The following PREX2 variants were observed in gnomAD, a reference collection of about 807,000 sequenced individuals.
PREX2 encodes phosphatidylinositol 3,4,5-trisphosphate-dependent Rac exchanger 2 protein.
PREX2 carries 107 observed loss-of-function variants against 203.2 expected under a neutral mutation model. The ratio of observed to expected loss-of-function variants is 0.53; its 90% CI spans 0.45 to 0.62. PREX2 has a LOEUF of 0.62. PREX2 is among the 20% of genes least tolerant of loss of function. The pLI is 0.00. For synonymous variants in PREX2, 672 were observed against 663.6 expected (o/e 1.01, Z -0.19); for missense variants, 1,777 against 1,955.9 (o/e 0.91, Z 1.72).
chr8:67,995,790 G>T (rs1469714764), intron 1 of PREX2, among the ~76,000 whole-genome samples: 5 of 152,152 alleles, frequency 3.3e-5, no homozygotes, highest in African/African-American at 1.2e-4. Context: ...GGCCATGAAT[G>T]TTCCAACATG....
At chr8:67,980,986 C>A (rs1462007554) in intron 1 of PREX2, among the ~76,000 whole-genome samples, 3 of 152,142 alleles carry the variant, frequency 2.0e-5, no homozygotes, top group African/African-American at 7.2e-5. Context: ...CATTCAACAA[C>A]CTGGTGTAAG....
intron 35 of PREX2, among the ~76,000 whole-genome samples, chr8:68,190,887 A>T (rs145330236): frequency 6.6e-6 from 1 of 152,004 alleles, no homozygotes; most frequent in Non-Finnish European, 1.5e-5. Flanking sequence ...ATTTCTGTTT[A>T]GTATCGAGCC....
intron 37 of PREX2, among the ~76,000 whole-genome samples, chr8:68,213,459 A>G (rs191248203): frequency 6.6e-6 from 1 of 152,336 alleles, no homozygotes; most frequent in African/African-American, 2.4e-5. Context: ...AACTTGTGGT[A>G]TTTGTAGGTA....
chr8:67,998,728 C>T (rs1247141285), intron 1 of PREX2, among the ~76,000 whole-genome samples: 3 of 152,166 alleles, frequency 2.0e-5, no homozygotes, highest in Non-Finnish European at 4.4e-5. Flanking sequence ...TATGACCATG[C>T]CATTGTTCTC....
intron 37 of PREX2, among the ~76,000 whole-genome samples, chr8:68,196,729 C>G (rs529806702): frequency 3.3e-5 from 5 of 151,264 alleles, no homozygotes; most frequent in East Asian, 3.9e-4. Context: ...GCACCTCCCC[C>G]CCCCAACTCT....
At chr8:68,231,278 C>A in intron 39 of PREX2, 55 bp from the exon 40 acceptor site, 2 of 1,312,984 alleles carry the variant, frequency 1.5e-6, no homozygotes, top group Non-Finnish European at 2.1e-6. Context: ...ATAAAGACAC[C>A]TCATGTAATG....
At chr8:68,030,342 T>G (rs951298359) in intron 5 of PREX2, among the ~76,000 whole-genome samples, 155 bp from the exon 6 acceptor site, 2 of 152,224 alleles carry the variant, frequency 1.3e-5, no homozygotes, top group Non-Finnish European at 2.9e-5. Context: ...TACTCATTGA[T>G]TCAAACTTTT....
intron 34 of PREX2, 56 bp downstream of exon 34, chr8:68,146,408 T>A: frequency 7.3e-7 from 1 of 1,366,912 alleles, no homozygotes; most frequent in Non-Finnish European, 1.0e-6. Context: ...TCTTTATTAA[T>A]GCTTTTATAA....
At chr8:67,984,672 C>T (rs1218369509) in intron 1 of PREX2, among the ~76,000 whole-genome samples, 1 of 152,210 alleles carries the variant, frequency 6.6e-6, no homozygotes, top group Non-Finnish European at 1.5e-5. Context: ...TGGAAGACTG[C>T]AGGTCTGCCG....
intron 34 of PREX2, among the ~76,000 whole-genome samples, chr8:68,149,915 C>A (rs1026044335): frequency 6.6e-6 from 1 of 152,210 alleles, no homozygotes; most frequent in Non-Finnish European, 1.5e-5. Context: ...ATTCATCTTA[C>A]AAATGTTCAG....
chr8:68,020,024 C>T (rs974913680), intron 3 of PREX2, among the ~76,000 whole-genome samples: 2 of 152,098 alleles, frequency 1.3e-5, no homozygotes, highest in African/African-American at 4.8e-5. Context: ...ATCCTCATTC[C>T]TATAATGGCA....
intron 26 of PREX2, among the ~76,000 whole-genome samples, chr8:68,118,332 G>A (rs765751423): frequency 2.7e-5 from 4 of 149,058 alleles, no homozygotes; most frequent in Non-Finnish European, 5.9e-5. Context: ...TCCAGTCTGG[G>A]AGACAGAGCG....
intron 33 of PREX2, among the ~76,000 whole-genome samples, chr8:68,143,319 G>A (rs1811262770): frequency 6.6e-6 from 1 of 152,026 alleles, no homozygotes; most frequent in South Asian, 2.1e-4. Flanking sequence ...TTGTTTAAAA[G>A]TGTGTAGCAT....
At chr8:67,999,143 A>G (rs1396367271) in intron 1 of PREX2, among the ~76,000 whole-genome samples, 3 of 152,144 alleles carry the variant, frequency 2.0e-5, no homozygotes, top group Admixed American at 1.3e-4. Flanking sequence ...ACTGAAGGAG[A>G]TTGAGATACA....
intron 20 of PREX2, among the ~76,000 whole-genome samples, chr8:68,091,998 G>T (rs567111997): frequency 2.6e-5 from 4 of 152,260 alleles, no homozygotes; most frequent in Non-Finnish European, 5.9e-5. Flanking sequence ...CGGCCGTGGG[G>T]TGGTTCCTAT....
chr8:68,127,390 G>T lies in PREX2; in HGVS notation c.3737G>T (p.Arg1246Met). The T allele has an allele frequency of 6.2e-7, 1 of 1,606,730 alleles. No individual in the cohort carries two copies. The highest frequency in any genetic ancestry group is 8.5e-7 in the Non-Finnish European group (1 of 1,174,792). The change falls in exon 31 of 40, where the codon AGG becomes ATG. Residue 1246 changes from arginine (R) to methionine (M), a missense_variant. Transcript: ENST00000288368. ...TCTTTCTCTGCAGAGGTAAAGTGTA[G>T]GCTACTCCTGGCTCTTCTTGAATAT... ...IRKFVEEVKC[R>M]LLLALLEYSD... is the part of the protein sequence containing the mutation.
At chr8:68,047,565 T>G (rs557285269) in intron 8 of PREX2, among the ~76,000 whole-genome samples, 2 of 148,922 alleles carry the variant, frequency 1.3e-5, no homozygotes, top group African/African-American at 4.9e-5. Flanking sequence ...TTCCTTTTTT[T>G]AAATTGAGAT....
At chr8:68,224,246 G>A (rs922453303) in intron 38 of PREX2, among the ~76,000 whole-genome samples, 5 of 151,996 alleles carry the variant, frequency 3.3e-5, no homozygotes, top group Non-Finnish European at 7.4e-5. Context: ...TGAACTCCCA[G>A]GCTTTAGTAA....
At chr8:68,091,617 A>G (rs779704354) in intron 20 of PREX2, among the ~76,000 whole-genome samples, 9 of 152,344 alleles carry the variant, frequency 5.9e-5, no homozygotes, top group Non-Finnish European at 1.0e-4. Context: ...TGAGAAGGTC[A>G]GACCTAGCAT....
Sources: gnomAD v4.1 joint callset for allele counts (sites outside exome capture counted in the v4.1 genomes callset) on GRCh38, gnomAD v4.1.1 for gene constraint, MANE v1.5 for transcripts, NCBI Gene and HGNC (gene_info 2026-07-23, HGNC 2026-07-21) for gene names.